TSPAN11: variants seen among roughly 807,000 people sequenced by gnomAD.
The protein encoded by TSPAN11 is tetraspanin-11.
TSPAN11 carries 29 observed loss-of-function variants against 32.9 expected under a neutral mutation model. The ratio of observed to expected loss-of-function variants is 0.88; its 90% CI spans 0.66 to 1.20. TSPAN11 has a LOEUF of 1.20. TSPAN11 is among the 50% of genes most tolerant of loss of function. TSPAN11 has a pLI of 0.00. For synonymous variants in TSPAN11, 140 were observed against 141.3 expected, an observed-to-expected ratio of 0.99 and a Z score of 0.07; for missense variants, 283 against 329.1, an observed-to-expected ratio of 0.86 and a Z score of 1.08.
chr12:31,003,241 T>C, the TSPAN11 span, among the ~76,000 whole-genome samples: 1 of 152,222 alleles, frequency 6.6e-6, no homozygotes. Flanking sequence ...CCACCTTCAC[T>C]GGCATCACAG....
At chr12:31,014,040 TTC>T in the TSPAN11 span, among the ~76,000 whole-genome samples, 1 of 152,258 alleles carries the variant, frequency 6.6e-6, no homozygotes, top group African/African-American at 2.4e-5. Context: ...CACTAATTTC[TTC>T]TGTTACTTTT....
Position 30,949,444 on chromosome 12 carries a change from T to A in TSPAN11, c.-11-4537T>A, listed in dbSNP as rs373833398. Among the ~76,000 whole-genome samples the A allele has an allele frequency of 2.6e-4, 40 of 152,152 alleles. No homozygotes were observed. The East Asian group carries it at 3.9e-3, about 15-fold the overall frequency. On this transcript the variant is annotated intron_variant, in intron 1 of 7. Coordinates refer to ENST00000546076, the MANE Select transcript of TSPAN11 (RefSeq NM_001370302.1). ...ATCATGGTGGGAGGCAAAAGGCACT[T>A]CTTACATGGTGGCAGCAAGAGAAAA...
intron 3 of TSPAN11, among the ~76,000 whole-genome samples, chr12:30,964,307 T>C (rs1002413123): frequency 6.6e-6 from 1 of 151,450 alleles, no homozygotes; most frequent in Non-Finnish European, 1.5e-5. Flanking sequence ...TATTTCTTCT[T>C]CTCCTATTCT....
chr12:30,964,257 C>G lies in TSPAN11; in HGVS notation c.276+240C>G, dbSNP rs576993939. Among the ~76,000 whole-genome samples the G allele has an allele frequency of 6.6e-5, 10 of 151,996 alleles. No individual in the cohort carries two copies. In the South Asian group the frequency reaches 1.7e-3, roughly 25 times the overall value. On this transcript the variant is annotated intron_variant, in intron 3 of 7. Transcript: ENST00000546076. The stretch of plus-strand genomic sequence containing the variant: ...TCCTTCTCCGTATCTCCATCTCTGT[C>G]TCCTCTCACTCCCCTTCTTCCTCTT...
intron 1 of TSPAN11, among the ~76,000 whole-genome samples, chr12:30,927,349 G>A (rs778337871): frequency 6.6e-6 from 1 of 152,246 alleles, no homozygotes; most frequent in African/African-American, 2.4e-5. Flanking sequence ...GCCCATCCCT[G>A]CATGTGCAGT....
At chr12:31,012,122 C>G in the TSPAN11 span, among the ~76,000 whole-genome samples, 1 of 152,242 alleles carries the variant, frequency 6.6e-6, no homozygotes, top group East Asian at 1.9e-4. Flanking sequence ...GCCTGATGGC[C>G]CAAGGCTGAC....
intron 1 of TSPAN11, among the ~76,000 whole-genome samples, chr12:30,944,562 G>A (rs1216243864): frequency 6.7e-6 from 1 of 148,432 alleles, no homozygotes; most frequent in Non-Finnish European, 1.5e-5. Context: ...ATGTGAAAGA[G>A]ATATCTGCAC....
chr12:31,002,398 G>A, the TSPAN11 span, among the ~76,000 whole-genome samples: 1 of 152,182 alleles, frequency 6.6e-6, no homozygotes, highest in Admixed American at 6.5e-5. This position sits in a 1 kb window ranked among gnomAD's most constrained non-coding sequence, Gnocchi z 4.8. Flanking sequence ...ATAGGGTTTA[G>A]CAATGACCCA....
At chr12:30,998,416 A>G (rs983050749), downstream of TSPAN11, among the ~76,000 whole-genome samples, 5 of 152,334 alleles carry the variant, frequency 3.3e-5, no homozygotes, top group South Asian at 1.0e-3. Context: ...CTGCCTCTCC[A>G]TGGCTGAAGA....
In TSPAN11 at chr12:30,995,494, G is replaced by A. The variant is rs145731454; in HGVS notation, c.*3579G>A. The A allele has an allele frequency of 6.6e-6, 1 of 152,452 alleles. No homozygotes were observed. Among genetic ancestry groups the A allele is most frequent in the East Asian group, 1.9e-4 (1 of 5,180 alleles). 9.4% of individuals were successfully genotyped at this position (152,452 alleles called of 1,614,324 possible). ...GAAGGGCCCAGCACGGCCCTGTGGG[G>A]TGTGGGGGGAATATGGTAGATCATT... On this transcript the variant is annotated 3_prime_UTR_variant, in exon 8 of 8. Coordinates refer to ENST00000546076, the MANE Select transcript of TSPAN11 (RefSeq NM_001370302.1).
At chr12:30,988,900 A>G (rs540916750) in intron 7 of TSPAN11, among the ~76,000 whole-genome samples, 193 of 152,268 alleles carry the variant, frequency 1.3e-3, no homozygotes, top group African/African-American at 4.3e-3. Context: ...ATCTGGAGGC[A>G]CTCCACTTTG....
intron 3 of TSPAN11, among the ~76,000 whole-genome samples, chr12:30,974,723 A>G (rs578063235): frequency 5.4e-4 from 82 of 152,336 alleles, no homozygotes; most frequent in African/African-American, 1.7e-3. Flanking sequence ...TAGGGGACAG[A>G]GTGGTAACAC....
the TSPAN11 span, among the ~76,000 whole-genome samples, chr12:31,007,158 C>T: frequency 2.0e-5 from 3 of 150,942 alleles, no homozygotes; most frequent in South Asian, 2.1e-4. Context: ...TCTAAAAACA[C>T]GAGCATTTCC....
intron 3 of TSPAN11, 37 bp downstream of exon 3, chr12:30,964,054 C>T (rs1293068730): frequency 6.3e-7 from 1 of 1,589,770 alleles, no homozygotes; most frequent in Non-Finnish European, 8.6e-7. Context: ...GGATGGGGAG[C>T]CCTGCACCAC....
the TSPAN11 span, among the ~76,000 whole-genome samples, chr12:31,004,961 C>T: frequency 6.6e-6 from 1 of 152,236 alleles, no homozygotes; most frequent in Non-Finnish European, 1.5e-5. Flanking sequence ...CTCTCTCCAC[C>T]TGCCTCTCCC....
chr12:30,961,812 G>A (rs1235249904), intron 2 of TSPAN11, among the ~76,000 whole-genome samples: 3 of 152,042 alleles, frequency 2.0e-5, no homozygotes, highest in Admixed American at 2.0e-4. Context: ...ATGCAAAGTT[G>A]GGACCCTCAC....
chr12:30,934,934 G>A (rs1353219615), intron 1 of TSPAN11, among the ~76,000 whole-genome samples: 1 of 152,114 alleles, frequency 6.6e-6, no homozygotes, highest in African/African-American at 2.4e-5. Context: ...GCCTCTGCCT[G>A]TCCCCACCCC....
At chr12:30,957,861 T>TTCCTTCCCTCCC (rs1379365675) in intron 2 of TSPAN11, among the ~76,000 whole-genome samples, 3 of 30,524 alleles carry the variant, frequency 9.8e-5, no homozygotes, top group African/African-American at 4.4e-4. Context: ...CCTTCCTTCC[T>TTCCTTCCCTCCC]TCCCTCCCTC....
chr12:30,963,645 C>T (rs768794978), intron 2 of TSPAN11, among the ~76,000 whole-genome samples, 181 bp from the exon 3 acceptor site: 1 of 152,230 alleles, frequency 6.6e-6, no homozygotes, highest in Non-Finnish European at 1.5e-5. Flanking sequence ...GACAAGTCTC[C>T]TAACCTCTCT....
Sources: gnomAD v4.1 joint callset for allele counts (sites outside exome capture counted in the v4.1 genomes callset) on GRCh38, gnomAD v4.1.1 for gene constraint, Gnocchi (gnomAD v3.1) non-coding constraint, MANE v1.5 for transcripts, NCBI Gene and HGNC (gene_info 2026-07-23, HGNC 2026-07-21) for gene names.